The following HECW2 variants were observed in gnomAD, a reference collection of about 807,000 sequenced individuals.
HECW2 encodes E3 ubiquitin-protein ligase HECW2.
In HECW2, 61 loss-of-function variants were observed where a neutral mutation model predicts 175.2. The observed-to-expected ratio is 0.35, with a 90% confidence interval of 0.28 to 0.43. The LOEUF (loss-of-function observed/expected upper bound fraction) is 0.43, where lower values mean the gene tolerates loss of function less well. HECW2 is among the 20% of genes least tolerant of loss of function. The pLI is 1.00. For missense variants in HECW2, 1,524 were observed against 2,000.5 expected (o/e 0.76, Z 4.54); for synonymous variants, 671 against 731.0 (o/e 0.92, Z 1.32).
chr2:196,434,757 A>C (rs1351760334), intron 1 of HECW2, among the ~76,000 whole-genome samples: 3 of 152,226 alleles, frequency 2.0e-5, no homozygotes, highest in Admixed American at 2.0e-4. Context: ...GTTTCATCTC[A>C]GGGCAAACCC....
intron 1 of HECW2, among the ~76,000 whole-genome samples, chr2:196,553,710 T>A (rs1689685529): frequency 6.6e-6 from 1 of 152,192 alleles, no homozygotes; most frequent in African/African-American, 2.4e-5. Flanking sequence ...GTAGAAGTCT[T>A]CAGGCCAGTG....
At chr2:196,203,588 G>C (rs541989237) in intron 28 of HECW2, among the ~76,000 whole-genome samples, 2 of 151,954 alleles carry the variant, frequency 1.3e-5, no homozygotes, top group Non-Finnish European at 2.9e-5. Context: ...TCATTTCTTT[G>C]GTTACCAATA....
At position 196,373,856 on chromosome 2, in the gene HECW2, C is replaced by T. The variant is rs569838690; in HGVS notation, c.293-30092G>A. Among the ~76,000 whole-genome samples the T allele has an allele frequency of 2.6e-5, 4 of 152,012 alleles. No homozygotes were observed. In the South Asian group the frequency reaches 8.3e-4, roughly 32 times the overall value. On this transcript the variant is annotated intron_variant, in intron 2 of 28. Coordinates refer to ENST00000644978, the MANE Select transcript of HECW2 (RefSeq NM_001348768.2). Reference sequence around the variant, plus strand: ...GACCATCCCGGCTAAAACGGTGAAACCCCGTCTCTACTAAAAATACAAAAA... The same window carrying T: ...GACCATCCCGGCTAAAACGGTGAAATCCCGTCTCTACTAAAAATACAAAAA...
chr2:196,436,040 T>C (rs1416969752), intron 1 of HECW2, among the ~76,000 whole-genome samples: 2 of 152,208 alleles, frequency 1.3e-5, no homozygotes, highest in Admixed American at 6.5e-5. Context: ...AAGAGCCTTG[T>C]AGGCAGTGAG....
intron 19 of HECW2, among the ~76,000 whole-genome samples, chr2:196,250,607 A>T (rs560859470): frequency 1.3e-5 from 2 of 152,076 alleles, no homozygotes; most frequent in Non-Finnish European, 2.9e-5. Context: ...GTTTTCCCCT[A>T]AACCTTTAAA....
intron 1 of HECW2, among the ~76,000 whole-genome samples, chr2:196,541,143 G>A (rs1575653967): frequency 6.6e-6 from 1 of 152,008 alleles, no homozygotes; most frequent in Non-Finnish European, 1.5e-5. Flanking sequence ...TCCTGGGAGC[G>A]GCTCTGCAGA....
intron 1 of HECW2, among the ~76,000 whole-genome samples, chr2:196,507,996 T>C (rs1231465632): frequency 7.9e-5 from 12 of 152,246 alleles, no homozygotes; most frequent in Admixed American, 7.2e-4. Flanking sequence ...TGTTTCAAAC[T>C]GTTCTGGAAA....
At position 196,222,347 on chromosome 2, in the gene HECW2, T is replaced by C. The variant is rs749562384; in HGVS notation, c.4017-7A>G. ...GTCACTCAGGTCACATAGACTAAGA[T>C]GACAAACAGACAGAAACAAATATGT... On this transcript the variant is annotated splice_polypyrimidine_tract_variant and splice_region_variant and intron_variant, in intron 23 of 28. Transcript: ENST00000644978. 1 of 1,611,892 alleles carries C rather than the reference T, an allele frequency of 6.2e-7. No individual in the cohort carries two copies.
chr2:196,329,500 CA>C, intron 5 of HECW2, 74 bp downstream of exon 5: 6 of 1,218,576 alleles, frequency 4.9e-6, no homozygotes, highest in Non-Finnish European at 7.3e-6. Context: ...CGAAAGTCTG[CA>C]GAAAGAAGTG....
At chr2:196,455,860 T>C (rs1242805516) in intron 1 of HECW2, among the ~76,000 whole-genome samples, 1 of 151,596 alleles carries the variant, frequency 6.6e-6, no homozygotes, top group African/African-American at 2.4e-5. Flanking sequence ...AATTATTTTG[T>C]TAAATAATAT....
intron 16 of HECW2, among the ~76,000 whole-genome samples, chr2:196,271,687 T>C (rs1307655664): frequency 6.6e-6 from 1 of 152,174 alleles, no homozygotes; most frequent in Non-Finnish European, 1.5e-5. Context: ...GGAGGATCAC[T>C]TGAGCTCAGG....
chr2:196,232,480 C>A (rs1342606626), intron 21 of HECW2, among the ~76,000 whole-genome samples: 2 of 152,146 alleles, frequency 1.3e-5, no homozygotes, highest in African/African-American at 4.8e-5. Flanking sequence ...ATGAGTGGAG[C>A]TCTTTGATGC....
chr2:196,449,896 A>G (rs13383897), intron 1 of HECW2, among the ~76,000 whole-genome samples: 20,201 of 152,194 alleles, frequency 0.13, 1,809 homozygotes, highest in African/African-American at 0.26. Flanking sequence ...TGATTCCTTC[A>G]GTCATAATGC....
chr2:196,514,604 G>A (rs1055569653), intron 1 of HECW2, among the ~76,000 whole-genome samples: 10 of 152,078 alleles, frequency 6.6e-5, no homozygotes, highest in Non-Finnish European at 1.5e-4. Flanking sequence ...TGGACCAATC[G>A]GCATGCACTC....
At chr2:196,343,293 T>C (rs1317030473) in intron 3 of HECW2, among the ~76,000 whole-genome samples, 1 of 152,204 alleles carries the variant, frequency 6.6e-6, no homozygotes, top group East Asian at 1.9e-4. Context: ...ACATAAATGC[T>C]ATGCAAATAA....
intron 13 of HECW2, 24 bp downstream of exon 13, chr2:196,306,464 C>A (rs115718448): frequency 6.3e-7 from 1 of 1,590,092 alleles, no homozygotes; most frequent in South Asian, 1.1e-5. Context: ...TTTTCCTTCA[C>A]ACTCTTTCAG....
At chr2:196,335,192 T>C (rs1321107343) in intron 3 of HECW2, among the ~76,000 whole-genome samples, 1 of 152,268 alleles carries the variant, frequency 6.6e-6, no homozygotes, top group Non-Finnish European at 1.5e-5. Context: ...ATCTCACAGC[T>C]TGTGGCAATC....
At chr2:196,345,894 A>C (rs1692938448) in intron 2 of HECW2, among the ~76,000 whole-genome samples, 2 of 152,240 alleles carry the variant, frequency 1.3e-5, no homozygotes. Context: ...ATTTTCACAA[A>C]TAAATTTACT....
intron 25 of HECW2, 25 bp downstream of exon 25, chr2:196,220,768 ACT>A: frequency 2.5e-6 from 4 of 1,612,710 alleles, no homozygotes; most frequent in Non-Finnish European, 2.5e-6. Context: ...CAGACTGCAA[ACT>A]CCTCCTACTG....
Sources: gnomAD v4.1 joint callset for allele counts (sites outside exome capture counted in the v4.1 genomes callset) on GRCh38, gnomAD v4.1.1 for gene constraint, MANE v1.5 for transcripts, NCBI Gene and HGNC (gene_info 2026-07-23, HGNC 2026-07-21) for gene names.